ZNF800: variants seen among roughly 807,000 people sequenced by gnomAD.
ZNF800 encodes zinc finger protein 800.
ZNF800 carries 13 observed loss-of-function variants against 59.5 expected under a neutral mutation model. That is an observed-to-expected ratio of 0.22 (90% CI 0.14 to 0.35). The LOEUF is 0.35. Ranked by LOEUF, ZNF800 falls within the 10% of genes least tolerant of loss-of-function variation. The probability of loss-of-function intolerance (pLI) is 1.00; values close to 1 mark genes in which losing one functional copy is unlikely to be tolerated. For missense variants in ZNF800, 621 were observed against 783.7 expected (o/e 0.79, Z 2.48); for synonymous variants, 266 against 265.7 (o/e 1.00, Z -0.01).
downstream of ZNF800, among the ~76,000 whole-genome samples, chr7:127,345,842 G>A (rs999147421): frequency 3.3e-5 from 5 of 152,132 alleles, no homozygotes; most frequent in African/African-American, 7.2e-5. Context: ...ACAATATCCC[G>A]GTAGGAAAGA....
chr7:127,380,354 A>C (rs1408219660), intron 3 of ZNF800, among the ~76,000 whole-genome samples: 1 of 152,196 alleles, frequency 6.6e-6, no homozygotes, highest in Non-Finnish European at 1.5e-5. Context: ...TATTAAAAAA[A>C]CCTTCTCTAA....
chr7:127,343,823 A>G (rs1800010287), downstream of ZNF800, among the ~76,000 whole-genome samples: 1 of 151,872 alleles, frequency 6.6e-6, no homozygotes, highest in South Asian at 2.1e-4. Flanking sequence ...ATAATCCAGT[A>G]TTGAGAAACT....
rs1036081470 is a variant in ZNF800 at position 127,392,285 on chromosome 7, T to G, written c.-284A>C. On this transcript the variant is annotated 5_prime_UTR_variant, in exon 1 of 6. Transcript: ENST00000265827. Reference sequence around the variant, plus strand: ...ACGTCCCTCCGCGGGCCGAGACGACTGCGGCGGCGGCTCACGGCGTCCTCC... The same window carrying G: ...ACGTCCCTCCGCGGGCCGAGACGACGGCGGCGGCGGCTCACGGCGTCCTCC... 1.0e-5 allele frequency: 4 copies of G among 390,802 alleles called. No homozygotes were observed. In the Admixed American group the frequency reaches 1.8e-4, roughly 17 times the overall value. 24.2% of individuals were successfully genotyped at this position (390,802 alleles called of 1,614,324 possible).
At chr7:127,376,101 G>C (rs10249166) in intron 4 of ZNF800, among the ~76,000 whole-genome samples, 96,228 of 151,384 alleles carry the variant, frequency 0.64, 30,948 homozygotes, top group East Asian at 0.86. Context: ...TGAATCTCTA[G>C]ACTGCTTTTT....
At position 127,392,310 on chromosome 7, in the gene ZNF800, C is replaced by CG; in HGVS notation, c.-310dup. 2.6e-6 allele frequency: 1 copy of CG among 386,642 alleles called. No individual in the cohort carries two copies. Among genetic ancestry groups the CG allele is most frequent in the Non-Finnish European group, 4.6e-6 (1 of 218,352 alleles). 24.0% of individuals were successfully genotyped at this position (386,642 alleles called of 1,614,324 possible). The stretch of plus-strand genomic sequence containing the variant: ...TGCGGCGGCGGCTCACGGCGTCCTC[C>CG]GCGCTGTGTGGCTAGGCGGGAGGCG... On this transcript the variant is annotated 5_prime_UTR_variant, in exon 1 of 6. Transcript: ENST00000265827.
intron 1 of ZNF800, among the ~76,000 whole-genome samples, chr7:127,349,300 T>G (rs1056671032): frequency 6.6e-6 from 1 of 152,236 alleles, no homozygotes; most frequent in African/African-American, 2.4e-5. Context: ...AATCATAAAT[T>G]AATTTAAAAT....
At position 127,384,227 on chromosome 7, in the gene ZNF800, C is replaced by CTTTTTTTTT. The variant is rs577977623; in HGVS notation, c.157+1824_157+1832dup. 1.3e-3 allele frequency among the ~76,000 whole-genome samples: 83 copies of CTTTTTTTTT among 63,378 alleles called. 13 individuals are homozygous for CTTTTTTTTT. The highest frequency in any genetic ancestry group is 1.4e-3 in the African/African-American group (20 of 14,228). 41.6% of individuals were successfully genotyped at this position (63,378 alleles called of 152,430 possible). A position where few individuals can be genotyped will look rare whatever the true frequency, so the allele number is the denominator to read the frequency against. ...CTTATGACTTAACTAATTCTAACTT[C>CTTTTTTTTT]TTTTTTTTTTTTTTTTTTTTTTTTT... is the stretch of plus-strand genomic sequence containing the variant. On this transcript the variant is annotated intron_variant, in intron 3 of 5. Transcript: ENST00000265827.
intron 2 of ZNF800, 117 bp downstream of exon 2, chr7:127,391,380 A>C (rs1364660692): frequency 4.0e-6 from 4 of 989,598 alleles, no homozygotes; most frequent in East Asian, 2.4e-5. Context: ...ATGCTAGGGA[A>C]TATCATAGCC....
At chr7:127,354,880 A>G (rs532060328) in intron 1 of ZNF800, among the ~76,000 whole-genome samples, 7 of 152,180 alleles carry the variant, frequency 4.6e-5, no homozygotes, top group South Asian at 4.1e-4. Context: ...TATATACAAA[A>G]TATCAGGTGG....
At chr7:127,379,152 A>C (rs1236925830) in intron 3 of ZNF800, among the ~76,000 whole-genome samples, 1 of 152,164 alleles carries the variant, frequency 6.6e-6, no homozygotes, top group African/African-American at 2.4e-5. Flanking sequence ...CATAAAAGTA[A>C]ATTCTCATAT....
rs1562907457 is a variant in ZNF800 at position 127,379,844 on chromosome 7, A to ACCCCCCCCCCCCC, written c.158-2516_158-2515insGGGGGGGGGGGGG. 3.6e-4 allele frequency among the ~76,000 whole-genome samples: 5 copies of ACCCCCCCCCCCCC among 13,932 alleles called. 1 individual carries two copies. Among genetic ancestry groups the ACCCCCCCCCCCCC allele is most frequent in the Admixed American group, 8.1e-4 (1 of 1,238 alleles). The allele number at this position is 13,932 out of a possible 152,430, so 9.1% of individuals were successfully genotyped here. On this transcript the variant is annotated intron_variant, in intron 3 of 5. Coordinates refer to ENST00000265827, the MANE Select transcript of ZNF800 (RefSeq NM_176814.5). ...TTCCCCTTACCCTTGCCACCCCCCC[A>ACCCCCCCCCCCCC]CCCCCCCACCCCCCCCACACACACA... is the stretch of plus-strand genomic sequence containing the variant.
At chr7:127,384,506 T>C (rs933651226) in intron 3 of ZNF800, among the ~76,000 whole-genome samples, 3 of 152,044 alleles carry the variant, frequency 2.0e-5, no homozygotes, top group Non-Finnish European at 2.9e-5. Context: ...AGTGCTGGGA[T>C]TACAGACGTG....
chr7:127,371,807 G>A lies in ZNF800; in HGVS notation c.*7C>T, dbSNP rs1401674801. The A allele has an allele frequency of 3.9e-6, 3 of 766,916 alleles. No individual in the cohort carries two copies. The South Asian group carries it at 4.2e-5, about 11-fold the overall frequency. 47.5% of individuals were successfully genotyped at this position (766,916 alleles called of 1,614,324 possible). Reference sequence around the variant, plus strand: ...CTCCAAACCTTTTCGTACATCACTTGAAGTTATCTGAGGAGAAATGGGAAT... The same window carrying A: ...CTCCAAACCTTTTCGTACATCACTTAAAGTTATCTGAGGAGAAATGGGAAT... On this transcript the variant is annotated 3_prime_UTR_variant, in exon 6 of 6. Coordinates refer to ENST00000265827, the MANE Select transcript of ZNF800 (RefSeq NM_176814.5).
intron 5 of ZNF800, chr7:127,373,101 C>T (rs2117099613): frequency 7.1e-6 from 7 of 985,416 alleles, no homozygotes; most frequent in Non-Finnish European, 8.4e-6. Context: ...CATCTACCTA[C>T]AACTACATTG....
intron 1 of ZNF800, among the ~76,000 whole-genome samples, chr7:127,349,315 A>G (rs187621945): frequency 6.6e-6 from 1 of 152,222 alleles, no homozygotes; most frequent in African/African-American, 2.4e-5. Context: ...TAAAATTTTA[A>G]GTTAATACCT....
intron 4 of ZNF800, among the ~76,000 whole-genome samples, chr7:127,375,628 T>A (rs531025029): frequency 3.3e-5 from 5 of 152,088 alleles, no homozygotes; most frequent in Non-Finnish European, 7.4e-5. Context: ...CTTCTTAACA[T>A]GACACAATTT....
chr7:127,359,792 C>T (rs1008894471), intron 1 of ZNF800: 2 of 151,968 alleles, frequency 1.3e-5, no homozygotes, highest in African/African-American at 4.8e-5. Context: ...AAGTTTCATC[C>T]TCTGCGTACT....
At position 127,373,845 on chromosome 7, in the gene ZNF800, G is replaced by A. The variant is rs185821815; in HGVS notation, c.1491C>T (p.Ser497=). The A allele has an allele frequency of 6.2e-7, 1 of 1,614,086 alleles. No homozygotes were observed. Among genetic ancestry groups the A allele is most frequent in the East Asian group, 2.2e-5 (1 of 44,882 alleles). ...CGATGTGTTTAGTCAAGTTCTGTTT[G>A]GAAGTAAACTGACGTTTACAAAGTT... is the stretch of plus-strand genomic sequence containing the variant. The part of the protein sequence containing the change: ...YCKLCKRQFT[S]KQNLTKHIEL... Residue 497 remains serine (S), a synonymous_variant, in exon 5 of 6, where the codon TCC becomes TCT. Transcript: ENST00000265827.
intron 3 of ZNF800, among the ~76,000 whole-genome samples, chr7:127,383,759 T>C (rs1288897130): frequency 1.3e-5 from 2 of 152,220 alleles, no homozygotes; most frequent in Non-Finnish European, 2.9e-5. Flanking sequence ...AGTAAAATAA[T>C]TCTTTTTTTA....
Sources: gnomAD v4.1 joint callset for allele counts (sites outside exome capture counted in the v4.1 genomes callset) on GRCh38, gnomAD v4.1.1 for gene constraint, MANE v1.5 for transcripts, NCBI Gene and HGNC (gene_info 2026-07-23, HGNC 2026-07-21) for gene names.